The following MAP3K4 variants were observed in gnomAD, a reference collection of about 807,000 sequenced individuals.
MAP3K4 encodes the protein mitogen-activated protein kinase kinase kinase 4.
Under a neutral mutation model 185.6 loss-of-function variants are expected in MAP3K4, and 67 were observed. That is an observed-to-expected ratio of 0.36 (90% CI 0.30 to 0.44). MAP3K4 has a LOEUF of 0.44. Ranked by LOEUF, MAP3K4 falls within the 20% of genes least tolerant of loss-of-function variation. MAP3K4 has a pLI of 1.00. For synonymous variants in MAP3K4, 702 were observed against 710.4 expected, an observed-to-expected ratio of 0.99 and a Z score of 0.19; for missense variants, 1,551 against 1,995.1, an observed-to-expected ratio of 0.78 and a Z score of 4.24.
At chr6:161,019,842 A>AT (rs1035397506) in intron 1 of MAP3K4, among the ~76,000 whole-genome samples, 1 of 152,178 alleles carries the variant, frequency 6.6e-6, no homozygotes, top group East Asian at 1.9e-4. Context: ...TTTAAAAAAA[A>AT]TTTTTTTAAA....
At chr6:161,060,222 A>G (rs1562513129) in intron 3 of MAP3K4, among the ~76,000 whole-genome samples, 1 of 152,190 alleles carries the variant, frequency 6.6e-6, no homozygotes, top group South Asian at 2.1e-4. Flanking sequence ...TGCTATAAGG[A>G]TAAACTTTTC....
intron 3 of MAP3K4, among the ~76,000 whole-genome samples, chr6:161,058,947 T>A: frequency 6.6e-6 from 1 of 152,204 alleles, no homozygotes; most frequent in East Asian, 1.9e-4. Flanking sequence ...TTCTGTTGTT[T>A]TTGTAAGAAT....
At chr6:161,042,498 A>C (rs1328331105) in intron 2 of MAP3K4, among the ~76,000 whole-genome samples, 2 of 152,062 alleles carry the variant, frequency 1.3e-5, no homozygotes, top group Non-Finnish European at 2.9e-5. Flanking sequence ...GTTAAGTTTA[A>C]CACCACAGGA....
At position 161,070,015 on chromosome 6, in the gene MAP3K4, G is replaced by A. The variant is rs922084896; in HGVS notation, c.1708-593G>A. Among the ~76,000 whole-genome samples, 7 of 152,098 alleles carry A rather than the reference G, an allele frequency of 4.6e-5. No individual in the cohort carries two copies. In the East Asian group the frequency reaches 5.8e-4, roughly 13 times the overall value. Reference sequence around the variant, plus strand: ...CGGACAACGCAACACTAGGGTTCCCGGGAAGCATCACAAAACGGATAACTG... The same window carrying A: ...CGGACAACGCAACACTAGGGTTCCCAGGAAGCATCACAAAACGGATAACTG... On this transcript the variant is annotated intron_variant, in intron 3 of 26. Transcript: ENST00000392142. The surrounding 1 kb of genome is among the most constrained non-coding windows in gnomAD (Gnocchi z 4.5).
chr6:161,057,406 A>G lies in MAP3K4; in HGVS notation c.1707+7427A>G, dbSNP rs148659359. ...ACAGTAGATAACTTTCACAAAAATC[A>G]CAGAGCTATAGATTGTTAGAGGGAT... On this transcript the variant is annotated intron_variant, in intron 3 of 26. Transcript: ENST00000392142. Among the ~76,000 whole-genome samples the G allele has an allele frequency of 3.8e-3, 580 of 152,316 alleles. 6 individuals are homozygous for G. Among genetic ancestry groups the G allele is most frequent in the African/African-American group, 0.013 (542 of 41,570 alleles).
chr6:161,017,163 T>C lies in MAP3K4; in HGVS notation c.153-17096T>C, dbSNP rs547927065. 1.3e-5 allele frequency among the ~76,000 whole-genome samples: 2 copies of C among 152,330 alleles called. No individual in the cohort carries two copies. The highest frequency in any genetic ancestry group is 6.8e-3 in the Middle Eastern group (2 of 294). ...TTATATTAAATTATAAGGAAATGTT[T>C]AGGTTCTATACAGTTAAAATTATTC... On this transcript the variant is annotated intron_variant, in intron 1 of 26. Transcript: ENST00000392142. This position sits in a 1 kb window ranked among gnomAD's most constrained non-coding sequence, Gnocchi z 5.1.
rs981178977 is a variant in MAP3K4, at chr6:161,109,574, C to T, written c.4237-181C>T. Among the ~76,000 whole-genome samples, 1 of 152,170 alleles carries T rather than the reference C, an allele frequency of 6.6e-6. No individual in the cohort carries two copies. Among genetic ancestry groups the T allele is most frequent in the African/African-American group, 2.4e-5 (1 of 41,422 alleles). ...CCAGACAGAGGAGGCAGGCAGACAC[C>T]TCTATAGAGGACTTAGAAACGACTG... On this transcript the variant is annotated intron_variant, in intron 22 of 26. Coordinates refer to ENST00000392142, the MANE Select transcript of MAP3K4 (RefSeq NM_005922.4). The surrounding 1 kb of genome is among the most constrained non-coding windows in gnomAD (Gnocchi z 5.7).
rs73784796 is a variant in MAP3K4, at chr6:161,113,297, T to C, written c.4626+523T>C. On this transcript the variant is annotated intron_variant, in intron 25 of 26. Coordinates refer to ENST00000392142, the MANE Select transcript of MAP3K4 (RefSeq NM_005922.4). The stretch of plus-strand genomic sequence containing the variant: ...CTAAAAAGCCTGCACACTGAGCGAT[T>C]CCATTTAACGACATTGGGGAAGAGG... Among the ~76,000 whole-genome samples the C allele has an allele frequency of 8.5e-3, 1,297 of 152,276 alleles. 15 individuals carry two copies. The highest frequency in any genetic ancestry group is 0.065 in the Middle Eastern group (19 of 294).
At chr6:161,058,659 CA>C (rs1287736682) in intron 3 of MAP3K4, among the ~76,000 whole-genome samples, 8 of 152,020 alleles carry the variant, frequency 5.3e-5, no homozygotes, top group African/African-American at 1.9e-4. Context: ...TTATGTAACA[CA>C]TGTAATTTTT....
rs1350698741 is a variant in MAP3K4, at chr6:161,075,161, A to G, written c.2097+1549A>G. On this transcript the variant is annotated intron_variant, in intron 5 of 26. Coordinates refer to ENST00000392142, the MANE Select transcript of MAP3K4 (RefSeq NM_005922.4). This position sits in a 1 kb window ranked among gnomAD's most constrained non-coding sequence, Gnocchi z 4.3. ...CTGTATTTTGAAATACTATGTATTT[A>G]TTTTCTTTTTTGAGATAGAGTTTTG... is the stretch of plus-strand genomic sequence containing the variant. Among the ~76,000 whole-genome samples the G allele has an allele frequency of 1.3e-5, 2 of 152,160 alleles. No individual in the cohort carries two copies. Among genetic ancestry groups the G allele is most frequent in the African/African-American group, 4.8e-5 (2 of 41,442 alleles).
In MAP3K4 at chr6:161,091,391, G is replaced by A. The variant is rs369156671; in HGVS notation, c.2986G>A (p.Glu996Lys). The A allele has an allele frequency of 1.2e-6, 2 of 1,613,106 alleles. No individual in the cohort carries two copies. Among genetic ancestry groups the A allele is most frequent in the East Asian group, 2.2e-5 (1 of 44,832 alleles). Residue 996 changes from glutamate to lysine, a missense_variant, in exon 12 of 27, where the codon GAG (glutamate) becomes AAG (lysine). By Grantham distance (56) the Glu-to-Lys change is moderately conservative (BLOSUM62 1). Transcript: ENST00000392142. The surrounding 1 kb of genome is among the most constrained non-coding windows in gnomAD (Gnocchi z 5.5). ...TTGGACTCTTCAGAATGATGCATTG[G>A]AGCTATGCAACAGGATAAGCAATGC... ...ALQQLKNDAL[E>K]LCNRISNAID...
At chr6:161,078,866 T>G (rs4472323) in intron 5 of MAP3K4, among the ~76,000 whole-genome samples, 2 of 152,272 alleles carry the variant, frequency 1.3e-5, no homozygotes, top group Non-Finnish European at 2.9e-5. Context: ...CTTAAAGGGG[T>G]AGGGTCTTTT....
At chr6:160,999,419 TTAG>T (rs1781164703) in intron 1 of MAP3K4, among the ~76,000 whole-genome samples, 1 of 152,214 alleles carries the variant, frequency 6.6e-6, no homozygotes, top group African/African-American at 2.4e-5. Context: ...TTGGAGTTAG[TTAG>T]TTGTATCTGT....
At chr6:161,021,041 A>G (rs570882445) in intron 1 of MAP3K4, among the ~76,000 whole-genome samples, 1 of 152,304 alleles carries the variant, frequency 6.6e-6, no homozygotes, top group African/African-American at 2.4e-5. Context: ...AGACTCATTT[A>G]AATTTTTCTC....
rs368808274 is a variant in MAP3K4, at chr6:161,084,400, A to G, written c.2256-101A>G. 9.2e-5 allele frequency: 62 copies of G among 674,266 alleles called. No individual in the cohort carries two copies. The highest frequency in any genetic ancestry group is 7.0e-4 in the East Asian group (28 of 39,846). The allele number at this position is 674,266 out of a possible 1,614,324, so 41.8% of individuals were successfully genotyped here. On this transcript the variant is annotated intron_variant, in intron 6 of 26. Coordinates refer to ENST00000392142, the MANE Select transcript of MAP3K4 (RefSeq NM_005922.4). This position sits in a 1 kb window ranked among gnomAD's most constrained non-coding sequence, Gnocchi z 4.6. ...ATTTTTCATTTTTGATTTTTAAACC[A>G]TTAGAGCAGTAGCTGAGCCTTTCAA...
At position 161,103,596 on chromosome 6, in the gene MAP3K4, A is replaced by C. The variant is rs560294054; in HGVS notation, c.3856+817A>C. 3.9e-5 allele frequency among the ~76,000 whole-genome samples: 6 copies of C among 152,144 alleles called. No individual in the cohort carries two copies. Among genetic ancestry groups the C allele is most frequent in the Non-Finnish European group, 8.8e-5 (6 of 68,032 alleles). ...CCAATGCAGGAGAAACTGGAGAGTGAGGGGAGATCAGATCATGGACAGCCA... is the reference window on the plus strand; with the variant it reads ...CCAATGCAGGAGAAACTGGAGAGTGCGGGGAGATCAGATCATGGACAGCCA... On this transcript the variant is annotated intron_variant, in intron 19 of 26. Transcript: ENST00000392142. This position sits in a 1 kb window ranked among gnomAD's most constrained non-coding sequence, Gnocchi z 4.6.
chr6:160,995,952 AACTTTTTTTAAAAAATGAATTATTT>A (rs1353438246), intron 1 of MAP3K4, among the ~76,000 whole-genome samples: 1 of 152,246 alleles, frequency 6.6e-6, no homozygotes, highest in Non-Finnish European at 1.5e-5. Flanking sequence ...TTTAACAATT[AACTTTTTTTAAAAAATGAATTATTT>A]ACTTTATATA....
chr6:161,029,843 T>C (rs962625239), intron 1 of MAP3K4, among the ~76,000 whole-genome samples: 1 of 152,092 alleles, frequency 6.6e-6, no homozygotes, highest in Non-Finnish European at 1.5e-5. Context: ...TATAAGTGTT[T>C]TGTTTGTTTG....
intron 2 of MAP3K4, among the ~76,000 whole-genome samples, chr6:161,047,480 T>C (rs544445960): frequency 6.6e-6 from 1 of 152,262 alleles, no homozygotes; most frequent in South Asian, 2.1e-4. Context: ...TATATAACGT[T>C]CTAATTTCAG....
Sources: gnomAD v4.1 joint callset for allele counts (sites outside exome capture counted in the v4.1 genomes callset) on GRCh38, gnomAD v4.1.1 for gene constraint, Gnocchi (gnomAD v3.1) non-coding constraint, MANE v1.5 for transcripts, NCBI Gene and HGNC (gene_info 2026-07-23, HGNC 2026-07-21) for gene names.